Variants in IGF2BP2 observed in about 807,000 individuals in gnomAD.
IGF2BP2 encodes insulin-like growth factor 2 mRNA-binding protein 2.
Under a neutral mutation model 75.8 loss-of-function variants are expected in IGF2BP2, and 17 were observed. The observed-to-expected ratio is 0.22, with a 90% CI of 0.15 to 0.34. The LOEUF (loss-of-function observed/expected upper bound fraction) is 0.34, where lower values mean the gene tolerates loss of function less well. Among genes scored for constraint, IGF2BP2 ranks in the 10% least tolerant of loss-of-function variants. IGF2BP2 has a pLI of 1.00. For synonymous variants in IGF2BP2, 288 were observed against 295.6 expected (o/e 0.97, Z 0.26); for missense variants, 516 against 772.4 (o/e 0.67, Z 3.93).
chr3:185,743,522 C>G (rs1729851524), intron 2 of IGF2BP2, among the ~76,000 whole-genome samples: 1 of 152,198 alleles, frequency 6.6e-6, no homozygotes, highest in Admixed American at 6.5e-5. Context: ...GTGATCCTCC[C>G]ACCTTGGCCT....
At position 185,657,352 on chromosome 3, in the gene IGF2BP2, G is replaced by T; in HGVS notation, c.1320C>A (p.Gly440=). 6.2e-7 allele frequency: 1 copy of T among 1,613,868 alleles called. No individual in the cohort carries two copies. The highest frequency in any genetic ancestry group is 2.2e-5 in the East Asian group (1 of 44,866). ...VNLFIPTQAV[G]AIIGKKGAHI... is the part of the protein sequence containing the mutation. The stretch of plus-strand genomic sequence containing the variant: ...GTGCCCCCTTCTTCCCGATGATGGC[G>T]CCCACAGCCTGGGTTGGGATGAAGA... The change falls in exon 12 of 16, where the codon GGC becomes GGA. Residue 440 remains glycine (G), a synonymous_variant. Coordinates refer to ENST00000382199, the MANE Select transcript of IGF2BP2 (RefSeq NM_006548.6).
chr3:185,677,893 C>A (rs907895298), intron 7 of IGF2BP2, among the ~76,000 whole-genome samples: 4 of 152,062 alleles, frequency 2.6e-5, no homozygotes, highest in Non-Finnish European at 4.4e-5. Flanking sequence ...GAATGTAGAT[C>A]ATTTGAAATC....
chr3:185,805,090 T>C (rs1023367553), intron 2 of IGF2BP2, among the ~76,000 whole-genome samples: 1 of 152,148 alleles, frequency 6.6e-6, no homozygotes, highest in African/African-American at 2.4e-5. Flanking sequence ...CATTCCACTT[T>C]ACGTAGATCC....
chr3:185,685,003 C>G (rs1045952672), intron 7 of IGF2BP2, among the ~76,000 whole-genome samples: 1 of 152,020 alleles, frequency 6.6e-6, no homozygotes, highest in African/African-American at 2.4e-5. Flanking sequence ...GTAAATTAGT[C>G]TTTTTGACTA....
At chr3:185,677,005 G>A (rs1425218766) in intron 7 of IGF2BP2, among the ~76,000 whole-genome samples, 1 of 127,520 alleles carries the variant, frequency 7.8e-6, no homozygotes, top group Non-Finnish European at 1.6e-5. Context: ...TATATATGGA[G>A]AGATTATATA....
At chr3:185,748,091 G>A (rs766108434) in intron 2 of IGF2BP2, among the ~76,000 whole-genome samples, 1 of 152,036 alleles carries the variant, frequency 6.6e-6, no homozygotes, top group Non-Finnish European at 1.5e-5. Context: ...TCCTGACCTT[G>A]TGATCCATTT....
intron 2 of IGF2BP2, chr3:185,724,647 G>A (rs974272133): frequency 1.3e-5 from 2 of 152,236 alleles, no homozygotes; most frequent in African/African-American, 4.8e-5. Context: ...CCTGGCACTA[G>A]GAAGGGTTCT....
intron 2 of IGF2BP2, among the ~76,000 whole-genome samples, chr3:185,705,923 A>G (rs1156721244): frequency 1.3e-5 from 2 of 152,244 alleles, no homozygotes; most frequent in Non-Finnish European, 2.9e-5. Flanking sequence ...GGGAGACACA[A>G]ACTTTTAGAC....
intron 10 of IGF2BP2, among the ~76,000 whole-genome samples, chr3:185,670,718 C>T (rs1321879378): frequency 1.3e-5 from 2 of 151,768 alleles, no homozygotes; most frequent in African/African-American, 2.4e-5. Context: ...TACAGGCGTG[C>T]ACCACCACAC....
intron 2 of IGF2BP2, among the ~76,000 whole-genome samples, chr3:185,787,689 C>T (rs1736084888): frequency 6.6e-6 from 1 of 151,788 alleles, no homozygotes; most frequent in Admixed American, 6.6e-5. Flanking sequence ...GCTAAGATCA[C>T]ACCACTGCAC....
intron 2 of IGF2BP2, among the ~76,000 whole-genome samples, chr3:185,745,867 G>A (rs1369920672): frequency 1.3e-5 from 2 of 151,900 alleles, no homozygotes; most frequent in African/African-American, 4.8e-5. Context: ...CTGTGGGAAG[G>A]TTGTACATAA....
intron 2 of IGF2BP2, among the ~76,000 whole-genome samples, chr3:185,746,383 G>A (rs1730252345): frequency 6.6e-6 from 1 of 152,176 alleles, no homozygotes; most frequent in East Asian, 1.9e-4. Context: ...CTCAAGGGCA[G>A]GGGCTCCCAG....
intron 2 of IGF2BP2, among the ~76,000 whole-genome samples, chr3:185,774,594 C>CAAA (rs10688098): frequency 3.3e-4 from 42 of 129,012 alleles, no homozygotes; most frequent in East Asian, 1.7e-3. Flanking sequence ...GACTCTGTCT[C>CAAA]AAAAAAAAAA....
Position 185,669,669 on chromosome 3 carries a change from G to A in IGF2BP2, c.1200+2872C>T, listed in dbSNP as rs1318063553. 2.0e-5 allele frequency among the ~76,000 whole-genome samples: 3 copies of A among 151,988 alleles called. No homozygotes were observed. The East Asian group carries it at 5.8e-4, about 29-fold the overall frequency. On this transcript the variant is annotated intron_variant, in intron 10 of 15. Coordinates refer to ENST00000382199, the MANE Select transcript of IGF2BP2 (RefSeq NM_006548.6). ...GTGTGGATGAGCCAGTTATAAGGAG[G>A]GACACAGACTCCCTGACCTTTGGAT...
intron 2 of IGF2BP2, among the ~76,000 whole-genome samples, chr3:185,787,134 G>A (rs532851022): frequency 7.9e-5 from 12 of 152,124 alleles, no homozygotes; most frequent in African/African-American, 2.9e-4. Flanking sequence ...GGCTGGAAGG[G>A]GGGCAATGGC....
intron 2 of IGF2BP2, among the ~76,000 whole-genome samples, chr3:185,753,382 G>A (rs2149647468): frequency 6.6e-6 from 1 of 152,232 alleles, no homozygotes; most frequent in African/African-American, 2.4e-5. Flanking sequence ...TTCATCTTGG[G>A]AGAACCAACG....
chr3:185,672,081 C>G (rs1718590848), intron 10 of IGF2BP2, among the ~76,000 whole-genome samples: 1 of 152,116 alleles, frequency 6.6e-6, no homozygotes. Context: ...GTAATATTTT[C>G]TTTTAAAAAT....
chr3:185,770,054 A>G (rs768008800), intron 2 of IGF2BP2, among the ~76,000 whole-genome samples: 6 of 152,010 alleles, frequency 3.9e-5, no homozygotes, highest in South Asian at 2.1e-4. Flanking sequence ...CACAAACCCA[A>G]TAAGATCTGG....
chr3:185,713,447 ACTGT>A (rs752814779), intron 2 of IGF2BP2: 13 of 519,894 alleles, frequency 2.5e-5, no homozygotes, highest in Middle Eastern at 3.2e-4. Flanking sequence ...CCACTAGATA[ACTGT>A]CTAAGGCCCT....
Sources: gnomAD v4.1 joint callset for allele counts (sites outside exome capture counted in the v4.1 genomes callset) on GRCh38, gnomAD v4.1.1 for gene constraint, MANE v1.5 for transcripts, NCBI Gene and HGNC (gene_info 2026-07-23, HGNC 2026-07-21) for gene names.